CENPI: variants seen among roughly 807,000 people sequenced by gnomAD.
CENPI encodes FSH primary response 1.
A neutral mutation model predicts 60.4 loss-of-function variants in CENPI; 4 were observed. The observed-to-expected ratio is 0.07, with a 90% CI of 0.03 to 0.15. The LOEUF (loss-of-function observed/expected upper bound fraction) is 0.15. Ranked by LOEUF, CENPI falls within the 10% of genes least tolerant of loss-of-function variation. The pLI, the probability that CENPI is intolerant of heterozygous loss-of-function variation, is 1.00. For synonymous variants in CENPI, 157 were observed against 189.4 expected, an observed-to-expected ratio of 0.83 and a Z score of 1.40; for missense variants, 444 against 534.5, an observed-to-expected ratio of 0.83 and a Z score of 1.67.
rs1344555449 is a variant in CENPI at position 101,140,772 on chromosome X, A to G, written c.1565+12A>G. ...ACAAACAGTCCTCTGTGAGTTATCT[A>G]ACGGTCTTCCACAAGAGACGATCTG... On this transcript the variant is annotated intron_variant, in intron 16 of 21. Transcript: ENST00000682095. 3 of 1,089,231 alleles carry G rather than the reference A, an allele frequency of 2.8e-6. No individual in the cohort carries two copies. The highest frequency in any genetic ancestry group is 3.6e-5 in the African/African-American group (2 of 54,979). 89.8% of individuals were successfully genotyped at this position (1,089,231 alleles called of 1,213,427 possible).
At chrX:101,099,097 CCTTT>C (rs781413789) in intron 2 of CENPI, among the ~76,000 whole-genome samples, 61 of 110,284 alleles carry the variant, frequency 5.5e-4, no homozygotes, top group African/African-American at 1.7e-3. Context: ...TCCCTCCCTC[CCTTT>C]CTTTCTTTCT....
At chrX:101,112,250 CTT>C (rs201469427) in intron 6 of CENPI, among the ~76,000 whole-genome samples, 4,084 of 111,716 alleles carry the variant, frequency 0.037, 228 homozygotes, top group African/African-American at 0.13. Context: ...ACCTGAAAGA[CTT>C]TTCTAATAAT....
rs759841856 is a variant in CENPI at position 101,130,051 on chromosome X, T to G, written c.1265T>G (p.Ile422Ser). Residue 422 changes from isoleucine to serine, a missense_variant, in exon 13 of 22, where the codon ATC becomes AGC. Transcript: ENST00000682095. ...TTTACCAACTTCCTGGATACCATCATCAGGGCAGAGTGCTTCTTACAAGTA... is the reference window on the plus strand; with the variant it reads ...TTTACCAACTTCCTGGATACCATCAGCAGGGCAGAGTGCTTCTTACAAGTA... ...KEFTNFLDTI[I>S]RAECFLQEGF... 4.2e-6 allele frequency: 5 copies of G among 1,197,142 alleles called. No individual in the cohort carries two copies. Among genetic ancestry groups the G allele is most frequent in the Non-Finnish European group, 5.7e-6 (5 of 882,153 alleles).
intron 16 of CENPI, chrX:101,141,304 T>G (rs1673334308): frequency 8.9e-6 from 1 of 111,740 alleles, no homozygotes; most frequent in Non-Finnish European, 1.9e-5. Flanking sequence ...TCAGGTTGTT[T>G]TGACTCTTTC....
chrX:101,103,226 C>T (rs1175362421), intron 4 of CENPI, among the ~76,000 whole-genome samples: 1 of 109,510 alleles, frequency 9.1e-6, no homozygotes, highest in African/African-American at 3.3e-5. Flanking sequence ...GAACTCCTGA[C>T]CTCGTGATCC....
intron 20 of CENPI, among the ~76,000 whole-genome samples, chrX:101,151,364 G>A (rs2090004454): frequency 9.0e-6 from 1 of 111,657 alleles, no homozygotes; most frequent in African/African-American, 3.3e-5. Flanking sequence ...AATTCCTCTG[G>A]ATTGGCAAAT....
At chrX:101,135,545 A>G (rs1320250109) in intron 15 of CENPI, among the ~76,000 whole-genome samples, 2 of 112,291 alleles carry the variant, frequency 1.8e-5, no homozygotes, top group African/African-American at 6.5e-5. Context: ...CAGACTCATG[A>G]GAAAAACTGA....
Position 101,164,978 on chromosome X carries a change from T to C in CENPI, c.*2011T>C, listed in dbSNP as rs989684107. Reference sequence around the variant, plus strand: ...CCCAGTGAAGTAAGCATATGAGTCATATAAATATTTGGGGAAAGAGCATTC... The same window carrying C: ...CCCAGTGAAGTAAGCATATGAGTCACATAAATATTTGGGGAAAGAGCATTC... On this transcript the variant is annotated 3_prime_UTR_variant, in exon 22 of 22. Coordinates refer to ENST00000682095, the MANE Select transcript of CENPI (RefSeq NM_001386188.2). Among the ~76,000 whole-genome samples, 6 of 111,930 alleles carry C rather than the reference T, an allele frequency of 5.4e-5. No individual in the cohort carries two copies. Among genetic ancestry groups the C allele is most frequent in the Non-Finnish European group, 7.5e-5 (4 of 53,233 alleles).
chrX:101,140,856 T>C (rs1335744656), intron 16 of CENPI, 96 bp downstream of exon 16: 2 of 549,106 alleles, frequency 3.6e-6, no homozygotes, highest in African/African-American at 2.3e-5. Context: ...TTCATGTAAA[T>C]GCTTAGTAGT....
intron 10 of CENPI, 57 bp from the exon 11 acceptor site, chrX:101,127,441 T>C: frequency 9.8e-7 from 1 of 1,020,569 alleles, no homozygotes; most frequent in Non-Finnish European, 1.3e-6. Flanking sequence ...TGCTTTTATA[T>C]TTGTGGTTTG....
chrX:101,162,756 C>A, intron 21 of CENPI, 77 bp from the exon 22 acceptor site: 1 of 1,110,985 alleles, frequency 9.0e-7, no homozygotes, highest in South Asian at 1.9e-5. Flanking sequence ...CAAACTCTTC[C>A]TAGGGAAAGA....
intron 20 of CENPI, among the ~76,000 whole-genome samples, chrX:101,158,891 A>T (rs2148260998): frequency 9.0e-6 from 1 of 111,647 alleles, no homozygotes; most frequent in African/African-American, 3.2e-5. Context: ...TCGGCCTCCC[A>T]AAGTGCTGGG....
intron 20 of CENPI, among the ~76,000 whole-genome samples, chrX:101,160,585 T>C (rs1358934940): frequency 7.4e-5 from 8 of 108,614 alleles, no homozygotes; most frequent in African/African-American, 1.0e-4. Context: ...AGACGGGGCT[T>C]CACCACATTG....
intron 20 of CENPI, among the ~76,000 whole-genome samples, chrX:101,157,154 C>T (rs1222156138): frequency 8.1e-5 from 9 of 111,612 alleles, no homozygotes; most frequent in East Asian, 2.8e-4. Context: ...ACCGCATCCA[C>T]GCCAACATCT....
intron 20 of CENPI, among the ~76,000 whole-genome samples, chrX:101,148,583 T>C (rs1192492496): frequency 8.9e-6 from 1 of 112,148 alleles, no homozygotes; most frequent in Non-Finnish European, 1.9e-5. Flanking sequence ...ATTAGAGTCT[T>C]AGTCAAAGAC....
intron 20 of CENPI, among the ~76,000 whole-genome samples, chrX:101,160,144 G>C (rs921429630): frequency 9.0e-6 from 1 of 111,707 alleles, no homozygotes; most frequent in Non-Finnish European, 1.9e-5. Flanking sequence ...TGCTATTGGA[G>C]TGTGCACAGG....
At position 101,143,056 on chromosome X, in the gene CENPI, T is replaced by C. The variant is rs148861199; in HGVS notation, c.1566-2008T>C. On this transcript the variant is annotated intron_variant, in intron 16 of 21. Coordinates refer to ENST00000682095, the MANE Select transcript of CENPI (RefSeq NM_001386188.2). ...CTGTACTCCAGCCTGGGCGACAGAG[T>C]GAGACTCCATCTCAAAAAAAAAAAA... is the stretch of plus-strand genomic sequence containing the variant. Among the ~76,000 whole-genome samples the C allele has an allele frequency of 7.9e-3, 647 of 81,837 alleles. 7 individuals are homozygous for C. Among genetic ancestry groups the C allele is most frequent in the African/African-American group, 0.032 (626 of 19,721 alleles). The allele number at this position is 81,837 out of a possible 115,157, so 71.1% of individuals were successfully genotyped here.
chrX:101,120,485 T>G, intron 7 of CENPI, 35 bp downstream of exon 7: 2 of 745,405 alleles, frequency 2.7e-6, no homozygotes, highest in Non-Finnish European at 2.1e-6. Context: ...TTATACTTTG[T>G]AGAATTAGCA....
At chrX:101,127,755 G>A in intron 11 of CENPI, 90 bp downstream of exon 11, 2 of 750,849 alleles carry the variant, frequency 2.7e-6, no homozygotes, top group Non-Finnish European at 3.9e-6. Context: ...TTGTTTTTTT[G>A]AGATAGGGTC....
Sources: gnomAD v4.1 joint callset for allele counts (sites outside exome capture counted in the v4.1 genomes callset) on GRCh38, gnomAD v4.1.1 for gene constraint, MANE v1.5 for transcripts, NCBI Gene and HGNC (gene_info 2026-07-23, HGNC 2026-07-21) for gene names.